MACROD2: variants seen among roughly 807,000 people sequenced by gnomAD.
The protein encoded by MACROD2 is mono-ADP ribosylhydrolase 2.
MACROD2 carries 36 observed loss-of-function variants against 70.4 expected under a neutral mutation model. The ratio of observed to expected loss-of-function variants is 0.51; its 90% CI spans 0.39 to 0.68. MACROD2 has a LOEUF of 0.68. Among genes scored for constraint, MACROD2 ranks in the 30% least tolerant of loss-of-function variants. The probability of loss-of-function intolerance (pLI) is 0.00; values close to 1 mark genes in which losing one functional copy is unlikely to be tolerated. For missense variants in MACROD2, 496 were observed against 538.4 expected, an observed-to-expected ratio of 0.92 and a Z score of 0.78; for synonymous variants, 172 against 178.8, an observed-to-expected ratio of 0.96 and a Z score of 0.30.
chr20:15,879,208 G>C (rs1450017080), intron 9 of MACROD2, among the ~76,000 whole-genome samples: 1 of 152,096 alleles, frequency 6.6e-6, no homozygotes, highest in Non-Finnish European at 1.5e-5. Context: ...CTCTAACAAA[G>C]AAGTATGATG....
intron 5 of MACROD2, among the ~76,000 whole-genome samples, chr20:15,074,729 A>G (rs1279920929): frequency 6.6e-6 from 1 of 152,168 alleles, no homozygotes; most frequent in Non-Finnish European, 1.5e-5. Flanking sequence ...AATGCAATGT[A>G]TTGGAAGCCC....
rs114377381 is a variant in MACROD2, at chr20:14,316,928, C to T, written c.272-176551C>T. On this transcript the variant is annotated intron_variant, in intron 3 of 17. Coordinates refer to ENST00000684519, the MANE Select transcript of MACROD2 (RefSeq NM_001351661.2). ...TCTTTTACTTACTTCTCCTGCTCTC[C>T]ACCCCCTATCTTCCCCTTATTCCTC... is the stretch of plus-strand genomic sequence containing the variant. Among the ~76,000 whole-genome samples, 438 of 152,204 alleles carry T rather than the reference C, an allele frequency of 2.9e-3. 1 individual carries two copies. The highest frequency in any genetic ancestry group is 0.01 in the African/African-American group (428 of 41,530).
chr20:15,109,516 C>T (rs952468402), intron 5 of MACROD2, among the ~76,000 whole-genome samples: 1 of 152,036 alleles, frequency 6.6e-6, no homozygotes, highest in Non-Finnish European at 1.5e-5. Context: ...CCTGACTGTG[C>T]CCCAGAAAGA....
intron 6 of MACROD2, among the ~76,000 whole-genome samples, chr20:15,357,798 C>CTTTTTTTT (rs200860242): frequency 7.4e-5 from 10 of 135,632 alleles, no homozygotes; most frequent in Non-Finnish European, 1.4e-4. Context: ...TTCATTCATT[C>CTTTTTTTT]TTTTTTTTTT....
At chr20:15,762,292 C>T (rs1402230226) in intron 8 of MACROD2, among the ~76,000 whole-genome samples, 1 of 152,116 alleles carries the variant, frequency 6.6e-6, no homozygotes, top group Non-Finnish European at 1.5e-5. Context: ...AAAGTAAGGA[C>T]AAGGCAGGTG....
At chr20:15,211,570 T>G (rs1053123924) in intron 5 of MACROD2, among the ~76,000 whole-genome samples, 1 of 152,010 alleles carries the variant, frequency 6.6e-6, no homozygotes, top group Non-Finnish European at 1.5e-5. Flanking sequence ...TGAGAGCTGG[T>G]TGTTTAAAAG....
intron 5 of MACROD2, among the ~76,000 whole-genome samples, chr20:15,214,926 G>A (rs17296246): frequency 0.093 from 14,166 of 152,108 alleles, 853 homozygotes; most frequent in Non-Finnish European, 0.14. Context: ...ATATCTCTGG[G>A]CAGCTAAGTT....
chr20:14,944,545 C>T (rs886571232), intron 5 of MACROD2, among the ~76,000 whole-genome samples: 2 of 152,120 alleles, frequency 1.3e-5, no homozygotes, highest in African/African-American at 4.8e-5. Flanking sequence ...CTCTGGGATG[C>T]AATGAAAAGG....
chr20:15,735,632 G>T (rs115743578), intron 8 of MACROD2, among the ~76,000 whole-genome samples: 49 of 152,132 alleles, frequency 3.2e-4, no homozygotes, highest in Admixed American at 1.0e-3. Context: ...AGGATATGCC[G>T]CTGTGTAACT....
chr20:15,976,604 C>T (rs2147437580), intron 13 of MACROD2, among the ~76,000 whole-genome samples: 1 of 152,328 alleles, frequency 6.6e-6, no homozygotes, highest in African/African-American at 2.4e-5. Context: ...GTCATTAACA[C>T]ACAGCAGGCC....
At chr20:15,064,702 ATG>A (rs1419727062) in intron 5 of MACROD2, among the ~76,000 whole-genome samples, 11 of 152,210 alleles carry the variant, frequency 7.2e-5, no homozygotes, top group South Asian at 2.1e-4. Context: ...CCATTTACAG[ATG>A]TGCATAGGAG....
chr20:14,625,967 C>T (rs2123462651), intron 4 of MACROD2, among the ~76,000 whole-genome samples: 1 of 152,266 alleles, frequency 6.6e-6, no homozygotes, highest in East Asian at 1.9e-4. Flanking sequence ...GGATTACAGG[C>T]ATGCACCATG....
chr20:14,080,104 A>G lies in MACROD2; in HGVS notation c.164-5517A>G, dbSNP rs114431427. Among the ~76,000 whole-genome samples the G allele has an allele frequency of 7.1e-3, 1,077 of 152,210 alleles. 13 individuals carry two copies. Among genetic ancestry groups the G allele is most frequent in the African/African-American group, 0.025 (1,021 of 41,524 alleles). ...AATCTATAGTTCTTATAGGAAAAAT[A>G]TGGTAGTGCTTGGCTTGACTTTTAA... On this transcript the variant is annotated intron_variant, in intron 2 of 17. Transcript: ENST00000684519.
chr20:14,082,121 C>T (rs1170400018), intron 2 of MACROD2, among the ~76,000 whole-genome samples: 3 of 150,340 alleles, frequency 2.0e-5, no homozygotes, highest in African/African-American at 4.9e-5. Context: ...AACAACTGAA[C>T]GGTGGTATAA....
intron 9 of MACROD2, among the ~76,000 whole-genome samples, chr20:15,882,574 T>G (rs1027273075): frequency 6.6e-6 from 1 of 152,064 alleles, no homozygotes; most frequent in Non-Finnish European, 1.5e-5. Context: ...GAGAAAATCT[T>G]CACCCTGTGC....
intron 3 of MACROD2, chr20:14,127,393 C>T: frequency 4.7e-6 from 2 of 426,706 alleles, no homozygotes. Context: ...GAACCCCTTT[C>T]CACTGCTTCA....
chr20:15,953,112 G>C (rs1300795777), intron 12 of MACROD2, among the ~76,000 whole-genome samples: 1 of 152,074 alleles, frequency 6.6e-6, no homozygotes, highest in African/African-American at 2.4e-5. Flanking sequence ...GTCAGGAAAA[G>C]AAAGTTAAAC....
intron 8 of MACROD2, among the ~76,000 whole-genome samples, chr20:15,693,668 C>A (rs2146882058): frequency 6.6e-6 from 1 of 152,204 alleles, no homozygotes; most frequent in South Asian, 2.1e-4. Flanking sequence ...TGATTTCTTT[C>A]CTACAGGTCA....
intron 3 of MACROD2, among the ~76,000 whole-genome samples, chr20:14,124,757 T>C (rs6079309): frequency 0.94 from 142,476 of 152,210 alleles, 66,804 homozygotes; most frequent in East Asian, 0.99. Flanking sequence ...AAAAGTTAAA[T>C]ATAAACTTAA....
Sources: gnomAD v4.1 joint callset for allele counts (sites outside exome capture counted in the v4.1 genomes callset) on GRCh38, gnomAD v4.1.1 for gene constraint, MANE v1.5 for transcripts, NCBI Gene and HGNC (gene_info 2026-07-23, HGNC 2026-07-21) for gene names.